The following CCBE1 variants were observed in gnomAD, a reference collection of about 807,000 sequenced individuals.
CCBE1 encodes the protein collagen and calcium-binding EGF domain-containing protein 1.
In CCBE1, 37 loss-of-function variants were observed where a neutral mutation model predicts 50.0. That is an observed-to-expected ratio of 0.74 (90% CI 0.57 to 0.97). The LOEUF (loss-of-function observed/expected upper bound fraction) is 0.97, where lower values mean the gene tolerates loss of function less well. Ranked by LOEUF, CCBE1 falls within the 50% of genes least tolerant of loss-of-function variation. The pLI is 0.00. For synonymous variants in CCBE1, 234 were observed against 203.7 expected, an observed-to-expected ratio of 1.15 and a Z score of -1.27; for missense variants, 538 against 523.8, an observed-to-expected ratio of 1.03 and a Z score of -0.26.
At chr18:59,442,349 ATG>A (rs1377735775) in intron 7 of CCBE1, among the ~76,000 whole-genome samples, 1 of 152,158 alleles carries the variant, frequency 6.6e-6, no homozygotes, top group African/African-American at 2.4e-5. Context: ...CTATAGTATA[ATG>A]TGTGTGTTTA....
intron 2 of CCBE1, among the ~76,000 whole-genome samples, chr18:59,599,092 A>G (rs182928696): frequency 1.4e-4 from 22 of 152,266 alleles, no homozygotes; most frequent in African/African-American, 4.1e-4. Context: ...TTCTTCTTCT[A>G]CTACTACTTT....
At chr18:59,692,209 T>G (rs2054742000) in intron 2 of CCBE1, among the ~76,000 whole-genome samples, 1 of 152,202 alleles carries the variant, frequency 6.6e-6, no homozygotes, top group Non-Finnish European at 1.5e-5. Flanking sequence ...CATGCAGACT[T>G]GGCAAGATGT....
chr18:59,581,193 A>T (rs2053079086), intron 2 of CCBE1, among the ~76,000 whole-genome samples: 1 of 152,164 alleles, frequency 6.6e-6, no homozygotes, highest in South Asian at 2.1e-4. Flanking sequence ...TGAAAAGAAA[A>T]GCCCACTGGG....
intron 2 of CCBE1, among the ~76,000 whole-genome samples, chr18:59,614,019 G>A (rs1177814594): frequency 6.6e-6 from 1 of 151,998 alleles, no homozygotes; most frequent in African/African-American, 2.4e-5. Flanking sequence ...GATTACAGGT[G>A]CACACTTGAG....
chr18:59,548,570 G>C (rs537375261), intron 2 of CCBE1, among the ~76,000 whole-genome samples: 2 of 152,142 alleles, frequency 1.3e-5, no homozygotes, highest in East Asian at 3.9e-4. Flanking sequence ...CCTACATAGG[G>C]AAAATCAGCT....
At chr18:59,629,050 G>C (rs909620130) in intron 2 of CCBE1, among the ~76,000 whole-genome samples, 3 of 152,078 alleles carry the variant, frequency 2.0e-5, no homozygotes, top group African/African-American at 4.8e-5. Context: ...CAGCAGCCAG[G>C]GTAGTCTGGG....
rs1048362619 is a variant in CCBE1, at chr18:59,622,338, A to G, written c.212+74291T>C. Among the ~76,000 whole-genome samples, 6 of 152,116 alleles carry G rather than the reference A, an allele frequency of 3.9e-5. No homozygotes were observed. The East Asian group carries it at 1.2e-3, about 29-fold the overall frequency. ...TATTTCAACCTTGTCTCTACCAAAA[A>G]TACAAAAGTTAGCTGGGTGTGGTGG... On this transcript the variant is annotated intron_variant, in intron 2 of 10. Transcript: ENST00000439986.
chr18:59,647,985 G>A (rs532960222), intron 2 of CCBE1, among the ~76,000 whole-genome samples: 1 of 152,104 alleles, frequency 6.6e-6, no homozygotes, highest in South Asian at 2.1e-4. Context: ...GTCTATCTCA[G>A]AGAGCTACCA....
At chr18:59,647,263 A>G (rs2054067056) in intron 2 of CCBE1, among the ~76,000 whole-genome samples, 1 of 152,232 alleles carries the variant, frequency 6.6e-6, no homozygotes, top group Admixed American at 6.5e-5. Context: ...GTAATCTCCA[A>G]ATATAATTAT....
intron 2 of CCBE1, among the ~76,000 whole-genome samples, chr18:59,501,895 C>T (rs1009556922): frequency 6.6e-6 from 1 of 152,184 alleles, no homozygotes; most frequent in African/African-American, 2.4e-5. Context: ...CAGCCTTGAC[C>T]TTCTGGACTC....
At chr18:59,597,932 A>G (rs1036905594) in intron 2 of CCBE1, among the ~76,000 whole-genome samples, 2 of 152,192 alleles carry the variant, frequency 1.3e-5, no homozygotes, top group African/African-American at 4.8e-5. Flanking sequence ...TTTATTTCTA[A>G]TCTCTCTCAA....
At chr18:59,523,468 A>C (rs975314641) in intron 2 of CCBE1, among the ~76,000 whole-genome samples, 1 of 151,934 alleles carries the variant, frequency 6.6e-6, no homozygotes, top group African/African-American at 2.4e-5. Context: ...AACAGTACCT[A>C]TCTCAAGATG....
At chr18:59,625,694 T>TAC (rs2053774232) in intron 2 of CCBE1, among the ~76,000 whole-genome samples, 1 of 139,698 alleles carries the variant, frequency 7.2e-6, no homozygotes, top group South Asian at 2.4e-4. Context: ...CGCCAATTCT[T>TAC]ACATTCTGTA....
Position 59,697,326 on chromosome 18 carries a change from G to C in CCBE1, c.17C>G (p.Pro6Arg). The C allele has an allele frequency of 6.5e-7, 1 of 1,548,090 alleles. No homozygotes were observed. Residue 6 changes from proline (P) to arginine (R), a missense_variant, in exon 1 of 11, where the codon CCG (proline) becomes CGG (arginine). Physicochemically the swap from Pro to Arg is moderately radical, Grantham distance 103. Coordinates refer to ENST00000439986, the MANE Select transcript of CCBE1 (RefSeq NM_133459.4). ...GCCCCTGGCAGCTCCTCCCCGGCTC[G>C]GAGGCGGCGGCACCATCAGGGAAGC... is the stretch of plus-strand genomic sequence containing the variant. MVPPP[P>R]SRGGAARGQL...
intron 2 of CCBE1, among the ~76,000 whole-genome samples, chr18:59,641,763 A>C (rs1208028204): frequency 6.6e-6 from 1 of 152,182 alleles, no homozygotes; most frequent in Admixed American, 6.5e-5. Context: ...AAAAGTCCAA[A>C]GGGATAACAC....
intron 5 of CCBE1, among the ~76,000 whole-genome samples, chr18:59,461,735 T>TC (rs1911488701): frequency 6.8e-6 from 1 of 147,912 alleles, no homozygotes; most frequent in African/African-American, 2.5e-5. Context: ...TAATCTTTTT[T>TC]TTTTTTTTTT....
At chr18:59,571,045 C>T (rs927961074) in intron 2 of CCBE1, among the ~76,000 whole-genome samples, 1 of 152,138 alleles carries the variant, frequency 6.6e-6, no homozygotes, top group Non-Finnish European at 1.5e-5. Context: ...AATTCACCCT[C>T]CCACTTCTGA....
intron 2 of CCBE1, among the ~76,000 whole-genome samples, chr18:59,495,602 G>A (rs1913317216): frequency 1.3e-5 from 2 of 150,188 alleles, no homozygotes; most frequent in Non-Finnish European, 1.5e-5. Context: ...ATCCCTGGGT[G>A]CTTGCCTTTT....
chr18:59,443,393 G>A (rs1460080774), intron 7 of CCBE1, among the ~76,000 whole-genome samples: 3 of 152,108 alleles, frequency 2.0e-5, no homozygotes, highest in Admixed American at 2.0e-4. Flanking sequence ...TCAGCTGGGG[G>A]GATGAGGGAA....
Sources: gnomAD v4.1 joint callset for allele counts (sites outside exome capture counted in the v4.1 genomes callset) on GRCh38, gnomAD v4.1.1 for gene constraint, MANE v1.5 for transcripts, NCBI Gene and HGNC (gene_info 2026-07-23, HGNC 2026-07-21) for gene names.